The following MROH7 variants were observed in gnomAD, a reference collection of about 807,000 sequenced individuals.
The protein encoded by MROH7 is maestro heat like repeat family member 7, also known as maestro heat-like repeat-containing protein family member 7.
MROH7 carries 113 observed loss-of-function variants against 129.2 expected under a neutral mutation model. The ratio of observed to expected loss-of-function variants is 0.87; its 90% confidence interval spans 0.75 to 1.02. The LOEUF (loss-of-function observed/expected upper bound fraction) is 1.02. Among genes scored for constraint, MROH7 ranks in the 50% least tolerant of loss-of-function variants. The pLI, the probability that MROH7 is intolerant of heterozygous loss-of-function variation, is 0.00. For missense variants in MROH7, 1,601 were observed against 1,671.3 expected, an observed-to-expected ratio of 0.96 and a Z score of 0.73; for synonymous variants, 655 against 667.9, an observed-to-expected ratio of 0.98 and a Z score of 0.30.
intron 17 of MROH7, among the ~76,000 whole-genome samples, chr1:54,696,659 CTTTTTTTT>C (rs1157748080): frequency 0.24 from 16,213 of 67,086 alleles, 1,421 homozygotes; most frequent in South Asian, 0.39. Context: ...AATTTCCTTA[CTTTTTTTT>C]TTTTTTTTTT....
intron 3 of MROH7, among the ~76,000 whole-genome samples, chr1:54,658,263 C>T (rs558184): frequency 0.96 from 145,589 of 152,332 alleles, 69,647 homozygotes; most frequent in East Asian, 1. Context: ...ATGTTCTTAG[C>T]ATTCTTGTCA....
At chr1:54,704,429 ATTTTTTTTTT>A (rs34380712) in intron 21 of MROH7, among the ~76,000 whole-genome samples, 2 of 112,284 alleles carry the variant, frequency 1.8e-5, no homozygotes, top group African/African-American at 7.2e-5. Flanking sequence ...CTAGAAACCT[ATTTTTTTTTT>A]TTTTTTTTTT....
intron 3 of MROH7, chr1:54,663,747 T>C (rs1644770101): frequency 2.3e-6 from 1 of 442,228 alleles, no homozygotes; most frequent in Non-Finnish European, 4.5e-6. Context: ...TTGACATGTC[T>C]TTATCATTCA....
rs1645031588 is a variant in MROH7, at chr1:54,679,366, A to G, written c.2153A>G (p.Glu718Gly). The change falls in exon 12 of 24, where the codon GAG (glutamate) becomes GGG (glycine). Residue 718 changes from glutamate to glycine, a missense_variant. By Grantham distance (98) the Glu-to-Gly change is moderately conservative. Coordinates refer to ENST00000421030, the MANE Select transcript of MROH7 (RefSeq NM_001039464.4). Reference protein sequence around the residue: ...SSEAPGKDSREMMQLASEVML... With the variant: ...SSEAPGKDSRGMMQLASEVML... ...GAGGCTCCAGGGAAGGACTCCAGGG[A>G]GATGATGCAGCTGGCCTCGGAGGTC... 1 of 1,613,974 alleles carries G rather than the reference A, an allele frequency of 6.2e-7. No homozygotes were observed. Among genetic ancestry groups the G allele is most frequent in the South Asian group, 1.1e-5 (1 of 91,088 alleles).
rs1196566332 is a variant in MROH7 at position 54,668,938 on chromosome 1, G to A, written c.1389+1G>A. On this transcript the variant is annotated splice_donor_variant, in intron 5 of 23. Transcript: ENST00000421030. LOFTEE classifies it high-confidence loss of function. ...GAAGACCATGATAAAGAAGATTATG[G>A]TGGGGGAGCCACAGGCGGGTCTGTG... 8.7e-6 allele frequency: 14 copies of A among 1,611,248 alleles called. No individual in the cohort carries two copies. The highest frequency in any genetic ancestry group is 1.1e-5 in the Non-Finnish European group (13 of 1,177,648).
chr1:54,666,546 C>T (rs1436403574), intron 4 of MROH7, among the ~76,000 whole-genome samples: 2 of 150,142 alleles, frequency 1.3e-5, no homozygotes, highest in Non-Finnish European at 1.5e-5. Flanking sequence ...GCAATCCTCC[C>T]ATCTCAGCCT....
intron 4 of MROH7, among the ~76,000 whole-genome samples, chr1:54,666,323 C>T (rs539278200): frequency 6.6e-6 from 1 of 152,090 alleles, no homozygotes; most frequent in Non-Finnish European, 1.5e-5. Context: ...GATTACCTGC[C>T]CCCCAATGAG....
chr1:54,685,700 G>A (rs1452519356), intron 14 of MROH7, among the ~76,000 whole-genome samples: 3 of 152,198 alleles, frequency 2.0e-5, no homozygotes, highest in Non-Finnish European at 4.4e-5. Context: ...CAAGGCTGGT[G>A]TTGTTTCTCT....
At chr1:54,695,602 T>G (rs1557724072) in intron 17 of MROH7, 112 bp downstream of exon 17, 2 of 745,526 alleles carry the variant, frequency 2.7e-6, no homozygotes, top group Non-Finnish European at 4.9e-6. Flanking sequence ...AGCCTTCCCA[T>G]GGGCATGACT....
At chr1:54,665,306 C>A in intron 4 of MROH7, 66 bp downstream of exon 4, 1 of 1,294,842 alleles carries the variant, frequency 7.7e-7, no homozygotes, top group South Asian at 1.2e-5. Context: ...ACCCCCTACC[C>A]CCCAGCCCAG....
chr1:54,678,652 G>A (rs1464958233), intron 10 of MROH7, 90 bp from the exon 11 acceptor site: 26 of 870,834 alleles, frequency 3.0e-5, no homozygotes, highest in Non-Finnish European at 4.2e-5. Flanking sequence ...AATGTATCAA[G>A]TTAGTTCCTT....
intron 15 of MROH7, among the ~76,000 whole-genome samples, chr1:54,692,085 T>C (rs1359628973): frequency 6.6e-6 from 1 of 152,038 alleles, no homozygotes; most frequent in African/African-American, 2.4e-5. Flanking sequence ...GTGTCCTGAG[T>C]TGGAGAAGGA....
Position 54,702,161 on chromosome 1 carries a change from C to T in MROH7, c.3357C>T (p.Arg1119=), listed in dbSNP as rs964372145. Reference sequence around the variant, plus strand: ...TGGTCCAGAAGCTTCGGGCACCACGCACTCAGGCCATGGAGGAGCAGCTGG... The same window carrying T: ...TGGTCCAGAAGCTTCGGGCACCACGTACTCAGGCCATGGAGGAGCAGCTGG... ...GKVVQKLRAP[R]TQAMEEQLVS... is the part of the protein sequence containing the mutation. Residue 1119 remains arginine, a synonymous_variant, in exon 20 of 24, where the codon CGC becomes CGT. Coordinates refer to ENST00000421030, the MANE Select transcript of MROH7 (RefSeq NM_001039464.4). 2.5e-6 allele frequency: 4 copies of T among 1,610,616 alleles called. No individual in the cohort carries two copies. The highest frequency in any genetic ancestry group is 1.3e-5 in the African/African-American group (1 of 74,736).
At chr1:54,699,551 G>A (rs1202923442) in intron 17 of MROH7, 1 of 153,048 alleles carries the variant, frequency 6.5e-6, no homozygotes, top group Non-Finnish European at 1.5e-5. Flanking sequence ...CACCCACCTT[G>A]GCCTCCTGAG....
chr1:54,666,757 A>T (rs1359187349), intron 4 of MROH7, among the ~76,000 whole-genome samples: 1 of 151,998 alleles, frequency 6.6e-6, no homozygotes, highest in Non-Finnish European at 1.5e-5. Flanking sequence ...AGAGAAGAGG[A>T]ATTCTGTTGA....
At chr1:54,694,120 G>T (rs940790466) in intron 16 of MROH7, among the ~76,000 whole-genome samples, 8 of 152,188 alleles carry the variant, frequency 5.3e-5, no homozygotes, top group African/African-American at 1.7e-4. Flanking sequence ...GAAATCAGGT[G>T]ATCTGCCCGC....
At position 54,652,805 on chromosome 1, in the gene MROH7, G is replaced by A. The variant is rs550548800; in HGVS notation, c.-74-48G>A. On this transcript the variant is annotated intron_variant, in intron 2 of 23. Coordinates refer to ENST00000421030, the MANE Select transcript of MROH7 (RefSeq NM_001039464.4). Reference sequence around the variant, plus strand: ...TAAGAATAGTGGGAGCCCTGGAAAAGCCTTAACAGGTGTGGCATGGCTGCA... The same window carrying A: ...TAAGAATAGTGGGAGCCCTGGAAAAACCTTAACAGGTGTGGCATGGCTGCA... 93 of 1,348,974 alleles carry A rather than the reference G, an allele frequency of 6.9e-5. 2 individuals are homozygous for A. The South Asian group carries it at 1.2e-3, about 17-fold the overall frequency. 83.6% of individuals were successfully genotyped at this position (1,348,974 alleles called of 1,614,324 possible). A position where few individuals can be genotyped will look rare whatever the true frequency, so the allele number is the denominator to read the frequency against.
chr1:54,700,515 G>T, intron 18 of MROH7, 54 bp downstream of exon 18: 1 of 1,515,528 alleles, frequency 6.6e-7, no homozygotes, highest in African/African-American at 1.4e-5. Context: ...ACTGGAGGAA[G>T]GACAGAGCTT....
Position 54,667,350 on chromosome 1 carries a change from G to C in MROH7, c.1306-1504G>C, listed in dbSNP as rs566429755. Among the ~76,000 whole-genome samples the C allele has an allele frequency of 2.7e-5, 4 of 150,844 alleles. No homozygotes were observed. In the East Asian group the frequency reaches 7.8e-4, roughly 29 times the overall value. ...AAAAGTTCACTCTGGGATAGGGATG[G>C]TGGCTCACACCTGTAATCCCAGTAC... On this transcript the variant is annotated intron_variant, in intron 4 of 23. Coordinates refer to ENST00000421030, the MANE Select transcript of MROH7 (RefSeq NM_001039464.4).
Sources: allele counts gnomAD v4.1 joint callset (sites outside exome capture counted in the v4.1 genomes callset), GRCh38; gene constraint gnomAD v4.1.1; transcripts MANE v1.5; gene names NCBI Gene and HGNC (gene_info 2026-07-23, HGNC 2026-07-21).